The following CFAP47 variants were observed in gnomAD, a reference collection of about 807,000 sequenced individuals.
The protein encoded by CFAP47 is cilia and flagella associated protein 47.
A neutral mutation model predicts 148.1 loss-of-function variants in CFAP47; 29 were observed. The ratio of observed to expected loss-of-function variants is 0.20; its 90% CI spans 0.15 to 0.27. The LOEUF (loss-of-function observed/expected upper bound fraction) is 0.27. Ranked by LOEUF, CFAP47 falls within the 10% of genes least tolerant of loss-of-function variation. CFAP47 has a pLI of 1.00. For synonymous variants in CFAP47, 664 were observed against 577.3 expected (o/e 1.15, Z -2.15); for missense variants, 1,872 against 1,697.5 (o/e 1.10, Z -1.81).
In CFAP47 at chrX:36,331,775, C is replaced by T. The variant is rs782658314; in HGVS notation, c.8443+12468C>T. Among the ~76,000 whole-genome samples, 11 of 111,948 alleles carry T rather than the reference C, an allele frequency of 9.8e-5. No individual in the cohort carries two copies. In the Middle Eastern group the frequency reaches 0.014, roughly 140 times the overall value. ...CCTCCACCACTTACACCCTCATCTA[C>T]GCCAACCTAAGCTGCTGCAACAGCT... On this transcript the variant is annotated intron_variant, in intron 57 of 63. Coordinates refer to ENST00000378653, the MANE Select transcript of CFAP47 (RefSeq NM_001304548.2).
intron 1 of CFAP47, among the ~76,000 whole-genome samples, chrX:35,924,469 A>C (rs112604253): frequency 9.6e-6 from 1 of 104,707 alleles, no homozygotes; most frequent in Non-Finnish European, 2.0e-5. Context: ...AGGTGCACCT[A>C]TATGTGTATA....
At chrX:36,337,856 CTTTTTT>C (rs1196038760) in intron 57 of CFAP47, among the ~76,000 whole-genome samples, 43 of 58,308 alleles carry the variant, frequency 7.4e-4, no homozygotes, top group African/African-American at 3.5e-3. Context: ...TTCCATAATC[CTTTTTT>C]TTTTTTTTTT....
Position 36,073,302 on chromosome X carries a change from G to T in CFAP47, c.4629G>T (p.Trp1543Cys), listed in dbSNP as rs756883221. The T allele has an allele frequency of 8.3e-7, 1 of 1,210,498 alleles. No homozygotes were observed. Among genetic ancestry groups the T allele is most frequent in the South Asian group, 1.8e-5 (1 of 56,903 alleles). Residue 1543 changes from tryptophan (W) to cysteine (C), a missense_variant, in exon 29 of 64, where the codon TGG (tryptophan) becomes TGT (cysteine). Coordinates refer to ENST00000378653, the MANE Select transcript of CFAP47 (RefSeq NM_001304548.2). Reference sequence around the variant, plus strand: ...AGGTTGTAAATGCAGCACAGACCTGGTTCAGTCTCTTTGGCTGGCCTGAAG... The same window carrying T: ...AGGTTGTAAATGCAGCACAGACCTGTTTCAGTCTCTTTGGCTGGCCTGAAG... ...FEKVVNAAQTWFSLFGWPEGP... is the reference protein window; with the variant it reads ...FEKVVNAAQTCFSLFGWPEGP...
chrX:36,051,064 G>C (rs1470466690), intron 26 of CFAP47, among the ~76,000 whole-genome samples: 1 of 112,308 alleles, frequency 8.9e-6, no homozygotes, highest in Non-Finnish European at 1.9e-5. Flanking sequence ...GTAATCACCT[G>C]GATGTCCAGG....
intron 49 of CFAP47, 29 bp downstream of exon 49, chrX:36,251,473 C>T (rs782581547): frequency 1.7e-5 from 8 of 461,599 alleles, no homozygotes; most frequent in Non-Finnish European, 3.0e-5. Flanking sequence ...AAATATTAGT[C>T]ATTTTCCTAC....
rs782191611 is a variant in CFAP47 at position 36,291,530 on chromosome X, A to T, written c.7686+5804A>T. ...ATTTTTGGCTACTCTGTCATTATGA[A>T]CTATTCATGCCTCTGCCTTCTTCCG... On this transcript the variant is annotated intron_variant, in intron 51 of 63. Transcript: ENST00000378653. Among the ~76,000 whole-genome samples, 5 of 110,973 alleles carry T rather than the reference A, an allele frequency of 4.5e-5. No homozygotes were observed. The East Asian group carries it at 1.1e-3, about 25-fold the overall frequency.
chrX:36,158,571 T>G (rs1427374431), intron 37 of CFAP47, among the ~76,000 whole-genome samples: 2 of 112,151 alleles, frequency 1.8e-5, no homozygotes, highest in African/African-American at 6.5e-5. Context: ...TTAAGCTTCA[T>G]GGCCTGTAAC....
At chrX:36,254,604 A>C (rs1157475364) in intron 49 of CFAP47, among the ~76,000 whole-genome samples, 1 of 111,411 alleles carries the variant, frequency 9.0e-6, no homozygotes, top group Admixed American at 9.6e-5. Context: ...TCCCAAAAGC[A>C]AACCCTAAGG....
chrX:36,048,938 G>A lies in CFAP47; in HGVS notation c.4217+1875G>A, dbSNP rs766781137. ...GTGAATTCTGGCAAGACTTAGCTGGGGATGAAACTGAAAAGGCAGCAGGAA... is the reference window on the plus strand; with the variant it reads ...GTGAATTCTGGCAAGACTTAGCTGGAGATGAAACTGAAAAGGCAGCAGGAA... On this transcript the variant is annotated intron_variant, in intron 26 of 63. Transcript: ENST00000378653. Among the ~76,000 whole-genome samples the A allele has an allele frequency of 5.4e-5, 6 of 111,134 alleles. No individual in the cohort carries two copies. In the South Asian group the frequency reaches 2.3e-3, roughly 42 times the overall value.
chrX:35,943,800 CTTAT>C (rs1343838480), intron 3 of CFAP47, among the ~76,000 whole-genome samples: 1 of 111,156 alleles, frequency 9.0e-6, no homozygotes, highest in Non-Finnish European at 1.9e-5. Flanking sequence ...TGTGAGCATA[CTTAT>C]TTATTTATTA....
intron 53 of CFAP47, among the ~76,000 whole-genome samples, chrX:36,302,780 G>T (rs1941310237): frequency 8.9e-6 from 1 of 111,827 alleles, no homozygotes; most frequent in Non-Finnish European, 1.9e-5. Context: ...TGTTCTCAAT[G>T]AAAACTTCGT....
At chrX:36,174,720 G>A (rs1382022241) in intron 39 of CFAP47, among the ~76,000 whole-genome samples, 1 of 109,451 alleles carries the variant, frequency 9.1e-6, no homozygotes, top group African/African-American at 3.4e-5. Flanking sequence ...CTTTCTCTCT[G>A]GCTGCCCTTA....
chrX:36,305,347 G>T (rs1297027943), intron 54 of CFAP47, among the ~76,000 whole-genome samples: 2 of 111,413 alleles, frequency 1.8e-5, no homozygotes, highest in South Asian at 7.4e-4. Context: ...ATTAGAAAGT[G>T]GTGTTTTTGT....
At chrX:35,994,503 C>G (rs1413569745) in intron 18 of CFAP47, among the ~76,000 whole-genome samples, 1 of 111,181 alleles carries the variant, frequency 9.0e-6, no homozygotes, top group Non-Finnish European at 1.9e-5. Flanking sequence ...TAGACCATAA[C>G]AATACATGAG....
intron 45 of CFAP47, among the ~76,000 whole-genome samples, chrX:36,210,634 A>G (rs782442916): frequency 5.4e-5 from 6 of 112,075 alleles, no homozygotes; most frequent in Non-Finnish European, 9.4e-5. Flanking sequence ...ATTTGCAAGT[A>G]TTTTCTCCCA....
chrX:36,028,234 A>G (rs943020544), intron 22 of CFAP47, among the ~76,000 whole-genome samples: 1 of 111,062 alleles, frequency 9.0e-6, no homozygotes, highest in Non-Finnish European at 1.9e-5. Context: ...GCCTGGGTCC[A>G]TGTCTGGAAG....
chrX:36,027,025 G>A (rs997783008), intron 22 of CFAP47, among the ~76,000 whole-genome samples: 3 of 105,430 alleles, frequency 2.8e-5, no homozygotes, highest in East Asian at 5.8e-4. Flanking sequence ...TTTTAGAAAC[G>A]TCTCTTTTCT....
At chrX:35,929,057 T>C (rs768417285) in intron 2 of CFAP47, among the ~76,000 whole-genome samples, 1 of 111,887 alleles carries the variant, frequency 8.9e-6, no homozygotes, top group Admixed American at 9.5e-5. Context: ...CTTTGCTATA[T>C]AGTAATTCTT....
chrX:36,137,082 G>C (rs1439978430), intron 33 of CFAP47, among the ~76,000 whole-genome samples: 2 of 110,989 alleles, frequency 1.8e-5, no homozygotes, highest in Non-Finnish European at 3.8e-5. Flanking sequence ...TCCAATTCCA[G>C]GTGTAAAGCA....
Sources: gnomAD v4.1 joint callset for allele counts (sites outside exome capture counted in the v4.1 genomes callset) on GRCh38, gnomAD v4.1.1 for gene constraint, MANE v1.5 for transcripts, NCBI Gene and HGNC (gene_info 2026-07-23, HGNC 2026-07-21) for gene names.